CUX1: variants seen among roughly 807,000 people sequenced by gnomAD.
The protein encoded by CUX1 is protein CASP.
Under a neutral mutation model 158.8 loss-of-function variants are expected in CUX1, and 31 were observed. The observed-to-expected ratio is 0.20, with a 90% CI of 0.15 to 0.26. The LOEUF (loss-of-function observed/expected upper bound fraction) is 0.26, where lower values mean the gene tolerates loss of function less well. CUX1 is among the 10% of genes least tolerant of loss of function. The pLI is 1.00. For missense variants in CUX1, 1,589 were observed against 2,014.6 expected, an observed-to-expected ratio of 0.79 and a Z score of 4.04; for synonymous variants, 879 against 862.1, an observed-to-expected ratio of 1.02 and a Z score of -0.34.
chr7:102,144,670 CAA>C (rs372623244), intron 8 of CUX1, among the ~76,000 whole-genome samples: 7 of 131,734 alleles, frequency 5.3e-5, no homozygotes, highest in Admixed American at 2.4e-4. Flanking sequence ...GACCCTGTCT[CAA>C]AAAAAAAAAA....
chr7:101,844,969 C>T (rs148551839), intron 1 of CUX1, among the ~76,000 whole-genome samples: 1 of 152,148 alleles, frequency 6.6e-6, no homozygotes, highest in South Asian at 2.1e-4. Context: ...TTTCTTCCAC[C>T]TACCTATCTT....
chr7:101,933,534 T>C (rs890769855), intron 2 of CUX1, among the ~76,000 whole-genome samples: 2 of 152,252 alleles, frequency 1.3e-5, no homozygotes, highest in African/African-American at 4.8e-5. Context: ...AGCTTTTCTT[T>C]CTTTTTTTCA....
chr7:102,187,930 C>T (rs937087646), intron 11 of CUX1, among the ~76,000 whole-genome samples: 7 of 152,162 alleles, frequency 4.6e-5, no homozygotes, highest in Admixed American at 4.6e-4. Flanking sequence ...AGGGCACCTA[C>T]AGGCATGGTG....
At chr7:102,006,951 A>G (rs1817446965) in intron 2 of CUX1, among the ~76,000 whole-genome samples, 1 of 152,186 alleles carries the variant, frequency 6.6e-6, no homozygotes, top group Non-Finnish European at 1.5e-5. Context: ...ACAAAAGTGT[A>G]TTTCTTGTAG....
At chr7:101,956,954 G>GA (rs1261763224) in intron 2 of CUX1, among the ~76,000 whole-genome samples, 1 of 151,946 alleles carries the variant, frequency 6.6e-6, no homozygotes, top group East Asian at 1.9e-4. Context: ...GTCTCAAACA[G>GA]AAAAAAAGAA....
intron 15 of CUX1, chr7:102,274,089 C>G (rs1791420472): frequency 2.9e-6 from 2 of 685,978 alleles, no homozygotes; most frequent in Non-Finnish European, 5.2e-6. Flanking sequence ...TGTCACGTGT[C>G]CAGGTCCGGG....
intron 3 of CUX1, among the ~76,000 whole-genome samples, chr7:102,036,848 AG>A (rs1468624273): frequency 6.6e-6 from 1 of 152,100 alleles, no homozygotes; most frequent in Non-Finnish European, 1.5e-5. Context: ...CAGTGAGGAA[AG>A]GGGGGACTTT....
intron 1 of CUX1, among the ~76,000 whole-genome samples, chr7:101,833,562 TAAAAAAAAAAAA>T (rs534986714): frequency 9.2e-5 from 7 of 75,814 alleles, no homozygotes; most frequent in East Asian, 4.0e-4. Context: ...CTCTGTCTCT[TAAAAAAAAAAAA>T]AAAAAAAAAA....
At chr7:101,836,458 C>T (rs550062157) in intron 1 of CUX1, among the ~76,000 whole-genome samples, 49 of 152,140 alleles carry the variant, frequency 3.2e-4, no homozygotes, top group Admixed American at 9.8e-4. Flanking sequence ...TGGTTGCCCC[C>T]GCGGTCCTCC....
At chr7:102,045,222 G>C (rs923650579) in intron 3 of CUX1, among the ~76,000 whole-genome samples, 4 of 152,360 alleles carry the variant, frequency 2.6e-5, no homozygotes, top group African/African-American at 9.6e-5. Flanking sequence ...GTTTGGTTCT[G>C]CTCATGCAGA....
At chr7:101,852,210 T>C (rs536083897) in intron 1 of CUX1, among the ~76,000 whole-genome samples, 18 of 152,306 alleles carry the variant, frequency 1.2e-4, no homozygotes, top group Non-Finnish European at 2.4e-4. Flanking sequence ...TTCTAAACTT[T>C]TATGCATCTT....
chr7:102,030,691 G>GTTTTTTTTTT (rs71119801), intron 3 of CUX1, among the ~76,000 whole-genome samples: 34,695 of 118,172 alleles, frequency 0.29, 6,880 homozygotes, highest in East Asian at 0.83. Flanking sequence ...TTTAAAAAGT[G>GTTTTTTTTTT]TTTTTTTTTT....
At chr7:101,821,013 C>T (rs1013139909) in intron 1 of CUX1, among the ~76,000 whole-genome samples, 1 of 152,170 alleles carries the variant, frequency 6.6e-6, no homozygotes, top group African/African-American at 2.4e-5. Flanking sequence ...AACTGGATAC[C>T]TGTGAATGCC....
intron 1 of CUX1, among the ~76,000 whole-genome samples, chr7:101,872,619 T>C (rs1562951907): frequency 6.6e-6 from 1 of 151,866 alleles, no homozygotes; most frequent in Non-Finnish European, 1.5e-5. Flanking sequence ...TTTATACTTT[T>C]CTGTATGCGT....
Position 102,081,418 on chromosome 7 carries a change from CTGTTTTCATGATAGTGAG to C in CUX1, c.268+11004_268+11021del, listed in dbSNP as rs1827392424. Among the ~76,000 whole-genome samples the C allele has an allele frequency of 1.4e-5, 2 of 146,384 alleles. 1 individual carries two copies. The highest frequency in any genetic ancestry group is 3.1e-5 in the Non-Finnish European group (2 of 64,818). The stretch of plus-strand genomic sequence containing the variant: ...GATCATGGGGGCAGTTTCCCCGTGG[CTGTTTTCATGATAGTGAG>C]TGAGTTCTCACGAGATCCGATGGTT... On this transcript the variant is annotated intron_variant, in intron 4 of 23. Transcript: ENST00000292535.
rs188521851 is a variant in CUX1, at chr7:102,159,434, G to A, written c.723+826G>A. Among the ~76,000 whole-genome samples the A allele has an allele frequency of 2.1e-4, 32 of 152,350 alleles. 1 individual carries two copies. The highest frequency in any genetic ancestry group is 1.3e-3 in the Admixed American group (20 of 15,302). ...CACAGGACGCATCTTAACCATTAGC[G>A]TACTTTTGGGTGATTCTAAATACTC... is the stretch of plus-strand genomic sequence containing the variant. On this transcript the variant is annotated intron_variant, in intron 9 of 23. Coordinates refer to ENST00000292535, the MANE Select transcript of CUX1 (RefSeq NM_181552.4).
intron 17 of CUX1, among the ~76,000 whole-genome samples, chr7:102,277,208 G>A (rs1347171390): frequency 6.6e-6 from 1 of 152,156 alleles, no homozygotes; most frequent in Non-Finnish European, 1.5e-5. Context: ...TGAGATGGGA[G>A]GATCGCTTGA....
At chr7:101,886,346 G>A (rs981628606) in intron 1 of CUX1, among the ~76,000 whole-genome samples, 2 of 152,066 alleles carry the variant, frequency 1.3e-5, no homozygotes, top group Admixed American at 6.5e-5. Flanking sequence ...GGTGTGCGCC[G>A]CCATGCCCAA....
At chr7:102,048,501 C>T (rs1281171871) in intron 3 of CUX1, among the ~76,000 whole-genome samples, 3 of 152,080 alleles carry the variant, frequency 2.0e-5, no homozygotes, top group Non-Finnish European at 2.9e-5. Context: ...TTCACACACA[C>T]GTAAGGGCAC....
Sources: allele counts gnomAD v4.1 joint callset (sites outside exome capture counted in the v4.1 genomes callset), GRCh38; gene constraint gnomAD v4.1.1; transcripts MANE v1.5; gene names NCBI Gene and HGNC (gene_info 2026-07-23, HGNC 2026-07-21).